The following ANKS1B variants were observed in gnomAD, a reference collection of about 807,000 sequenced individuals.
The protein encoded by ANKS1B is ankyrin repeat and sterile alpha motif domain-containing protein 1B.
ANKS1B carries 36 observed loss-of-function variants against 148.3 expected under a neutral mutation model. The observed-to-expected ratio is 0.24, with a 90% CI of 0.19 to 0.32. ANKS1B has a LOEUF of 0.32. ANKS1B is among the 10% of genes least tolerant of loss of function. The pLI is 1.00. For missense variants in ANKS1B, 1,157 were observed against 1,542.6 expected (o/e 0.75, Z 4.19); for synonymous variants, 542 against 560.8 (o/e 0.97, Z 0.47).
chr12:98,807,182 T>G (rs2099056936), intron 20 of ANKS1B, among the ~76,000 whole-genome samples: 1 of 152,198 alleles, frequency 6.6e-6, no homozygotes, highest in Non-Finnish European at 1.5e-5. Flanking sequence ...AAACTTTTTC[T>G]AAAGTATGCA....
At chr12:99,125,925 AG>A (rs903025429) in intron 15 of ANKS1B, among the ~76,000 whole-genome samples, 9 of 152,294 alleles carry the variant, frequency 5.9e-5, no homozygotes, top group African/African-American at 2.2e-4. Context: ...TGATCTCTAT[AG>A]GATGTCACAA....
intron 8 of ANKS1B, among the ~76,000 whole-genome samples, chr12:99,761,530 C>T (rs2062114835): frequency 6.6e-6 from 1 of 151,862 alleles, no homozygotes; most frequent in South Asian, 2.1e-4. Context: ...ACAAATTAGG[C>T]ATCAAAGAAA....
At chr12:99,022,433 T>C (rs142484201) in intron 17 of ANKS1B, among the ~76,000 whole-genome samples, 475 of 152,348 alleles carry the variant, frequency 3.1e-3, no homozygotes, top group Admixed American at 5.0e-3. Context: ...CCATAGCAGC[T>C]AATATTGTCA....
intron 8 of ANKS1B, among the ~76,000 whole-genome samples, chr12:99,755,056 C>T (rs1393952085): frequency 1.4e-5 from 2 of 139,698 alleles, no homozygotes; most frequent in Non-Finnish European, 3.1e-5. Flanking sequence ...ATTAACAAAT[C>T]CAGGAGCTGC....
Position 99,782,010 on chromosome 12 carries a change from C to T in ANKS1B, c.745+12G>A, listed in dbSNP as rs776730127. ...TGTCAGGATAAGCTCCATGCAGAAT[C>T]ACAATAGTTACCTGTTTCTAACAGA... On this transcript the variant is annotated intron_variant, in intron 5 of 26. Coordinates refer to ENST00000683438, the MANE Select transcript of ANKS1B (RefSeq NM_001352186.2). 1.9e-6 allele frequency: 3 copies of T among 1,589,100 alleles called. No individual in the cohort carries two copies. In the Admixed American group the frequency reaches 5.3e-5, roughly 28 times the overall value.
chr12:99,321,293 GC>G (rs1160702804), intron 12 of ANKS1B, among the ~76,000 whole-genome samples: 2 of 152,322 alleles, frequency 1.3e-5, no homozygotes, highest in African/African-American at 4.8e-5. Context: ...GCTATGCCCT[GC>G]CCCCAGAGGT....
intron 12 of ANKS1B, among the ~76,000 whole-genome samples, chr12:99,322,216 A>C (rs935366395): frequency 2.3e-4 from 35 of 152,180 alleles, no homozygotes; most frequent in African/African-American, 8.0e-4. Flanking sequence ...GACATGGATG[A>C]AGCTGGAAGC....
intron 12 of ANKS1B, among the ~76,000 whole-genome samples, chr12:99,255,638 T>C (rs959565863): frequency 1.3e-5 from 2 of 152,170 alleles, no homozygotes; most frequent in African/African-American, 2.4e-5. Context: ...GCTGCATTCA[T>C]CACATTTGAT....
At chr12:99,379,084 A>G (rs2093528234) in intron 12 of ANKS1B, among the ~76,000 whole-genome samples, 1 of 152,236 alleles carries the variant, frequency 6.6e-6, no homozygotes, top group African/African-American at 2.4e-5. Flanking sequence ...AACTGACTTA[A>G]GGAGACTCAA....
intron 19 of ANKS1B, among the ~76,000 whole-genome samples, chr12:98,811,504 T>C (rs2099095490): frequency 6.6e-6 from 1 of 152,282 alleles, no homozygotes; most frequent in African/African-American, 2.4e-5. Context: ...AGTCCAATTA[T>C]GGATACCAAG....
At chr12:98,931,077 C>T (rs562951737) in intron 17 of ANKS1B, among the ~76,000 whole-genome samples, 2 of 152,038 alleles carry the variant, frequency 1.3e-5, no homozygotes, top group East Asian at 1.9e-4. Flanking sequence ...GGAGCAATAG[C>T]CTGAGGATAA....
rs7137715 is a variant in ANKS1B, at chr12:99,378,117, G to A, written c.1756+21514C>T. Among the ~76,000 whole-genome samples, 743 of 152,274 alleles carry A rather than the reference G, an allele frequency of 4.9e-3. 1 individual carries two copies. Among genetic ancestry groups the A allele is most frequent in the Middle Eastern group, 0.014 (4 of 294 alleles). On this transcript the variant is annotated intron_variant, in intron 12 of 26. Coordinates refer to ENST00000683438, the MANE Select transcript of ANKS1B (RefSeq NM_001352186.2). ...AGGCTATACCTCATAGATCATTTAA[G>A]AACCACAAAAGGCTCTCTGAGGATC...
intron 17 of ANKS1B, among the ~76,000 whole-genome samples, chr12:98,916,110 A>G (rs1407833249): frequency 2.0e-5 from 3 of 152,260 alleles, no homozygotes; most frequent in African/African-American, 7.2e-5. Context: ...CTCCTCTCAG[A>G]GGAAAACCCT....
intron 14 of ANKS1B, among the ~76,000 whole-genome samples, chr12:99,166,400 C>T (rs1274103473): frequency 6.6e-6 from 1 of 151,778 alleles, no homozygotes; most frequent in African/African-American, 2.4e-5. Flanking sequence ...ATAAAAACTA[C>T]AAGAAATAAT....
At chr12:98,996,974 CTA>C (rs2099930064) in intron 17 of ANKS1B, among the ~76,000 whole-genome samples, 1 of 152,006 alleles carries the variant, frequency 6.6e-6, no homozygotes, top group African/African-American at 2.4e-5. Context: ...TTCAGATGGG[CTA>C]TGTTAGTCAT....
At position 99,155,019 on chromosome 12, in the gene ANKS1B, A is replaced by G. The variant is rs373236738; in HGVS notation, c.2420-624T>C. On this transcript the variant is annotated intron_variant, in intron 14 of 26. Coordinates refer to ENST00000683438, the MANE Select transcript of ANKS1B (RefSeq NM_001352186.2). The stretch of plus-strand genomic sequence containing the variant: ...ATGAGAGCAGTCAAAACAAATGCAG[A>G]AAATAGCAAGATTCAAAAGCAAACC... 1.7e-5 allele frequency: 26 copies of G among 1,535,386 alleles called. No individual in the cohort carries two copies. The African/African-American group carries it at 2.5e-4, about 15-fold the overall frequency.
intron 17 of ANKS1B, among the ~76,000 whole-genome samples, chr12:98,942,906 T>C (rs534050545): frequency 6.6e-6 from 1 of 152,346 alleles, no homozygotes; most frequent in East Asian, 1.9e-4. Context: ...AGAATCGTCC[T>C]CTTTAAATAC....
intron 17 of ANKS1B, among the ~76,000 whole-genome samples, chr12:98,942,471 T>C (rs2099838530): frequency 6.6e-6 from 1 of 152,136 alleles, no homozygotes; most frequent in South Asian, 2.1e-4. Flanking sequence ...AGGGGATGGC[T>C]TTCTCCGGAA....
intron 12 of ANKS1B, among the ~76,000 whole-genome samples, chr12:99,347,280 G>A (rs1056797257): frequency 6.6e-6 from 1 of 151,986 alleles, no homozygotes; most frequent in Non-Finnish European, 1.5e-5. Context: ...CAAAAAACTT[G>A]AGAAGAAGGC....
Sources: allele counts gnomAD v4.1 joint callset (sites outside exome capture counted in the v4.1 genomes callset), GRCh38; gene constraint gnomAD v4.1.1; transcripts MANE v1.5; gene names NCBI Gene and HGNC (gene_info 2026-07-23, HGNC 2026-07-21).